ZNF565: variants seen among roughly 807,000 people sequenced by gnomAD.
ZNF565 encodes the protein zinc finger protein 565.
ZNF565 carries 27 observed loss-of-function variants against 39.4 expected under a neutral mutation model. The observed-to-expected ratio is 0.69, with a 90% CI of 0.51 to 0.95. ZNF565 has a LOEUF of 0.95. Among genes scored for constraint, ZNF565 ranks in the 40% least tolerant of loss-of-function variants. The pLI is 0.00. For missense variants in ZNF565, 524 were observed against 621.1 expected (o/e 0.84, Z 1.66); for synonymous variants, 185 against 216.6 (o/e 0.85, Z 1.28).
intron 1 of ZNF565, among the ~76,000 whole-genome samples, chr19:36,230,798 T>C (rs1282457975): frequency 1.3e-5 from 2 of 152,032 alleles, no homozygotes; most frequent in Non-Finnish European, 2.9e-5. Context: ...CAGCCTTCCT[T>C]CCTTTTCCTT....
chr19:36,199,636 A>C (rs1975884401), intron 2 of ZNF565, among the ~76,000 whole-genome samples: 1 of 150,266 alleles, frequency 6.7e-6, no homozygotes. Context: ...CCTCCTGAGT[A>C]GCTGGGACTA....
intron 1 of ZNF565, among the ~76,000 whole-genome samples, chr19:36,229,373 C>CTACT (rs1977221564): frequency 6.6e-6 from 1 of 152,118 alleles, no homozygotes; most frequent in African/African-American, 2.4e-5. Context: ...TTTCCCTCTG[C>CTACT]TACTTTTATG....
At chr19:36,193,598 A>G (rs1006538057) in intron 4 of ZNF565, among the ~76,000 whole-genome samples, 25 of 149,708 alleles carry the variant, frequency 1.7e-4, no homozygotes, top group African/African-American at 6.1e-4. Context: ...CTACCACCAC[A>G]CCCGGCTAAT....
intron 1 of ZNF565, among the ~76,000 whole-genome samples, chr19:36,205,525 C>T (rs1281725733): frequency 6.6e-6 from 1 of 151,882 alleles, no homozygotes; most frequent in Non-Finnish European, 1.5e-5. Flanking sequence ...GAGACTCTCT[C>T]TCCAAAACAA....
At position 36,236,879 on chromosome 19, in the gene ZNF565, G is replaced by C. The variant is rs1210419295; in HGVS notation, c.55+8597C>G. On this transcript the variant is annotated intron_variant, in intron 1 of 4. Coordinates refer to the ZNF565 transcript ENST00000355114. Reference sequence around the variant, plus strand: ...TGGCAAATCCAACCTTACTGAGCATGAGAAAATCCATATTGGAGAGAAGCC... The same window carrying C: ...TGGCAAATCCAACCTTACTGAGCATCAGAAAATCCATATTGGAGAGAAGCC... 3 of 1,613,994 alleles carry C rather than the reference G, an allele frequency of 1.9e-6. No homozygotes were observed. In the African/African-American group the frequency reaches 4.0e-5, roughly 22 times the overall value.
chr19:36,231,929 T>G (rs1208953518), intron 1 of ZNF565, among the ~76,000 whole-genome samples: 2 of 150,842 alleles, frequency 1.3e-5, no homozygotes, highest in Non-Finnish European at 2.9e-5. Context: ...AAGGCCAGAC[T>G]CGGTGGTTCA....
intron 1 of ZNF565, among the ~76,000 whole-genome samples, chr19:36,233,775 A>T (rs1001926645): frequency 1.3e-5 from 2 of 152,224 alleles, no homozygotes; most frequent in Admixed American, 1.3e-4. Context: ...CCCCTATCTC[A>T]GTAGATGGAA....
In ZNF565 at chr19:36,245,664, G is replaced by T. The variant is rs908402174; in HGVS notation, c.-134C>A. 1.5e-6 allele frequency: 1 copy of T among 675,766 alleles called. No homozygotes were observed. The highest frequency in any genetic ancestry group is 1.8e-5 in the African/African-American group (1 of 56,686). 41.9% of individuals were successfully genotyped at this position (675,766 alleles called of 1,614,324 possible). ...TGCTTTGGCAGAGTCTCTGGTGCCC[G>T]GGTGAATGGGTTCAGGGTCTCTTAA... On this transcript the variant is annotated 5_prime_UTR_variant, in exon 1 of 5. Transcript: ENST00000355114. This position sits in a 1 kb window ranked among gnomAD's most constrained non-coding sequence, Gnocchi z 4.4.
intron 3 of ZNF565, 195 bp downstream of exon 3, chr19:36,194,833 TCC>T (rs1975697898): frequency 1.3e-6 from 1 of 758,524 alleles, no homozygotes; most frequent in South Asian, 1.5e-5. Context: ...CCCTCCTCTC[TCC>T]CTCCTTTGAC....
chr19:36,200,824 G>A (rs762599329), intron 2 of ZNF565, among the ~76,000 whole-genome samples: 3 of 147,962 alleles, frequency 2.0e-5, no homozygotes, highest in Admixed American at 6.7e-5. Context: ...TCGCTGTGTC[G>A]CCCAAGCCGG....
At chr19:36,210,626 AT>A (rs376828715) in intron 1 of ZNF565, among the ~76,000 whole-genome samples, 289 of 143,532 alleles carry the variant, frequency 2.0e-3, no homozygotes, top group Middle Eastern at 0.018. Flanking sequence ...TCAAAAAATC[AT>A]TTTTTTTTTT....
intron 1 of ZNF565, among the ~76,000 whole-genome samples, chr19:36,212,400 C>T (rs569611899): frequency 6.6e-6 from 1 of 151,994 alleles, no homozygotes; most frequent in Non-Finnish European, 1.5e-5. Flanking sequence ...TCACTTGAGG[C>T]CAGGAGTTCG....
At chr19:36,213,488 C>A (rs1439352528) in intron 1 of ZNF565, 1 of 152,736 alleles carries the variant, frequency 6.5e-6, no homozygotes, top group African/African-American at 2.4e-5. Context: ...TGGGTTCAAG[C>A]GATTCTCCTG....
intron 2 of ZNF565, among the ~76,000 whole-genome samples, chr19:36,195,828 G>A (rs1975739593): frequency 6.7e-6 from 1 of 150,222 alleles, no homozygotes; most frequent in South Asian, 2.1e-4. Context: ...ACATGCGTGA[G>A]CCCCGTGCCC....
At chr19:36,187,918 G>A (rs1360753609) in intron 4 of ZNF565, among the ~76,000 whole-genome samples, 4 of 151,028 alleles carry the variant, frequency 2.6e-5, no homozygotes, top group Admixed American at 6.6e-5. Context: ...GATTACAGGC[G>A]TGAGCCACCG....
chr19:36,229,710 A>G (rs1376361705), intron 1 of ZNF565, among the ~76,000 whole-genome samples: 1 of 152,144 alleles, frequency 6.6e-6, no homozygotes, highest in Non-Finnish European at 1.5e-5. Context: ...CTGTCAACAC[A>G]TAATTTGTTA....
intron 4 of ZNF565, among the ~76,000 whole-genome samples, chr19:36,188,833 C>T (rs758362323): frequency 7.2e-5 from 11 of 151,860 alleles, no homozygotes; most frequent in Non-Finnish European, 1.2e-4. Context: ...TACATACACA[C>T]ATACAATGGA....
At chr19:36,212,337 A>G (rs975194869) in intron 1 of ZNF565, among the ~76,000 whole-genome samples, 5 of 152,122 alleles carry the variant, frequency 3.3e-5, no homozygotes, top group African/African-American at 1.2e-4. Context: ...TGGAGACCAG[A>G]CATGGTGGTT....
chr19:36,218,848 G>A (rs868486020), upstream of ZNF565, among the ~76,000 whole-genome samples: 3 of 148,282 alleles, frequency 2.0e-5, no homozygotes, highest in East Asian at 2.0e-4. Flanking sequence ...TCGGTTTGTC[G>A]CCCAGGCTGG....
Sources: allele counts gnomAD v4.1 joint callset (sites outside exome capture counted in the v4.1 genomes callset), GRCh38; gene constraint gnomAD v4.1.1; non-coding constraint Gnocchi (gnomAD v3.1); transcripts MANE v1.5; gene names NCBI Gene and HGNC (gene_info 2026-07-23, HGNC 2026-07-21).